The following MGLL variants were observed in gnomAD, a reference collection of about 807,000 sequenced individuals.
MGLL encodes monoglyceride lipase.
MGLL carries 7 observed loss-of-function variants against 29.1 expected under a neutral mutation model. That is an observed-to-expected ratio of 0.24 (90% confidence interval 0.14 to 0.45). The LOEUF is 0.45. Among genes scored for constraint, MGLL ranks in the 20% least tolerant of loss-of-function variants. MGLL has a pLI of 0.99. For synonymous variants in MGLL, 148 were observed against 168.3 expected (o/e 0.88, Z 0.93); for missense variants, 356 against 413.6 (o/e 0.86, Z 1.21).
intron 2 of MGLL, among the ~76,000 whole-genome samples, chr3:127,791,899 C>T (rs1239042813): frequency 5.3e-5 from 8 of 152,080 alleles, no homozygotes; most frequent in South Asian, 2.1e-4. Flanking sequence ...GGTGAAACCC[C>T]GTCTCTACTA....
chr3:127,742,889 A>G (rs2076370583), intron 3 of MGLL, among the ~76,000 whole-genome samples: 1 of 152,150 alleles, frequency 6.6e-6, no homozygotes, highest in Non-Finnish European at 1.5e-5. Context: ...ATCTCGGCTC[A>G]CTGCAACCTC....
chr3:127,754,501 G>C (rs1017729603), intron 3 of MGLL, among the ~76,000 whole-genome samples: 2 of 152,224 alleles, frequency 1.3e-5, no homozygotes, highest in Admixed American at 6.5e-5. Context: ...AACTGGATGA[G>C]TACTTGCAAC....
At chr3:127,792,958 C>T (rs2077325826) in intron 2 of MGLL, among the ~76,000 whole-genome samples, 1 of 152,216 alleles carries the variant, frequency 6.6e-6, no homozygotes, top group African/African-American at 2.4e-5. Context: ...GCAGGCACAT[C>T]TGGGCAGAAA....
intron 2 of MGLL, among the ~76,000 whole-genome samples, chr3:127,789,325 G>T (rs555576955): frequency 6.6e-6 from 1 of 152,184 alleles, no homozygotes; most frequent in Non-Finnish European, 1.5e-5. Context: ...ACCCATCTAC[G>T]GCTGGAAGGA....
intron 3 of MGLL, among the ~76,000 whole-genome samples, chr3:127,754,491 A>C (rs2076621850): frequency 6.6e-6 from 1 of 152,198 alleles, no homozygotes; most frequent in African/African-American, 2.4e-5. Flanking sequence ...CACCGGCGTT[A>C]ACTGGATGAG....
chr3:127,759,163 G>T (rs2076717188), intron 3 of MGLL, among the ~76,000 whole-genome samples: 2 of 152,148 alleles, frequency 1.3e-5, no homozygotes, highest in South Asian at 2.1e-4. Flanking sequence ...GACCTCAAGT[G>T]ATCAACCTGC....
intron 3 of MGLL, among the ~76,000 whole-genome samples, chr3:127,767,047 C>T (rs555862452): frequency 4.4e-4 from 67 of 151,528 alleles, no homozygotes; most frequent in African/African-American, 1.5e-3. Flanking sequence ...CACTCCAGCC[C>T]GAGTGATGGA....
chr3:127,747,804 T>C (rs762080779), intron 3 of MGLL, among the ~76,000 whole-genome samples: 2 of 152,164 alleles, frequency 1.3e-5, no homozygotes, highest in Non-Finnish European at 2.9e-5. Context: ...GAAACCGTGA[T>C]TGGAGCGGGC....
Position 127,821,617 on chromosome 3 carries a change from G to A in MGLL, c.155+77C>T, listed in dbSNP as rs192756349. ...AGAGAAAGCGGCCCCGCCCCAGATG[G>A]CACATGATAACGACCAGAGGAGAAG... On this transcript the variant is annotated intron_variant, in intron 2 of 7. Transcript: ENST00000265052. 3.2e-6 allele frequency: 5 copies of A among 1,554,490 alleles called. No individual in the cohort carries two copies. The East Asian group carries it at 9.0e-5, about 28-fold the overall frequency.
At chr3:127,750,633 G>GGC (rs111577013) in intron 3 of MGLL, among the ~76,000 whole-genome samples, 2 of 150,388 alleles carry the variant, frequency 1.3e-5, no homozygotes, top group Non-Finnish European at 3.0e-5. Flanking sequence ...AACGCACACT[G>GGC]ACACACACAC....
At chr3:127,818,280 G>C (rs1447876117) in intron 2 of MGLL, among the ~76,000 whole-genome samples, 1 of 152,134 alleles carries the variant, frequency 6.6e-6, no homozygotes, top group Non-Finnish European at 1.5e-5. Context: ...TTAAGTTCCA[G>C]CATGTTGAAT....
chr3:127,793,451 T>C (rs1313332425), intron 2 of MGLL, among the ~76,000 whole-genome samples: 1 of 152,250 alleles, frequency 6.6e-6, no homozygotes, highest in African/African-American at 2.4e-5. Flanking sequence ...AAGGGCTCTC[T>C]ATTCACAATC....
intron 3 of MGLL, among the ~76,000 whole-genome samples, chr3:127,760,820 CTG>C (rs1185035085): frequency 6.6e-6 from 1 of 152,252 alleles, no homozygotes; most frequent in East Asian, 1.9e-4. Context: ...CCCCTAATGA[CTG>C]TGAGCTTGAA....
intron 2 of MGLL, among the ~76,000 whole-genome samples, chr3:127,814,672 T>A (rs1029059426): frequency 6.6e-6 from 1 of 152,232 alleles, no homozygotes; most frequent in African/African-American, 2.4e-5. Context: ...AGAACATTCT[T>A]ACAGCAACTG....
intron 3 of MGLL, among the ~76,000 whole-genome samples, chr3:127,779,188 A>G (rs2077083887): frequency 6.6e-6 from 1 of 152,154 alleles, no homozygotes; most frequent in Non-Finnish European, 1.5e-5. Context: ...CAATATGGTG[A>G]AACCCCTGTC....
chr3:127,772,435 G>C (rs1021637011), intron 3 of MGLL, among the ~76,000 whole-genome samples: 1 of 152,242 alleles, frequency 6.6e-6, no homozygotes, highest in Non-Finnish European at 1.5e-5. Flanking sequence ...GCCAAGGTCT[G>C]TCTCTCTAAA....
Position 127,808,608 on chromosome 3 carries a change from A to C in MGLL, c.155+13086T>G, listed in dbSNP as rs1376812199. On this transcript the variant is annotated intron_variant, in intron 2 of 7. Transcript: ENST00000265052. ...CAACAGAAACACATGGGCTGAAAGT[A>C]GAGGAGAGATGCCTCTTAAATTTAA... is the stretch of plus-strand genomic sequence containing the variant. Among the ~76,000 whole-genome samples, 3 of 152,224 alleles carry C rather than the reference A, an allele frequency of 2.0e-5. No individual in the cohort carries two copies. In the East Asian group the frequency reaches 5.8e-4, roughly 29 times the overall value.
upstream of MGLL, chr3:127,822,573 CA>C: frequency 3.7e-6 from 2 of 541,160 alleles, no homozygotes; most frequent in Non-Finnish European, 6.5e-6. Flanking sequence ...ACTACTAGTT[CA>C]TGTCATCACT....
At chr3:127,821,668 G>C (rs1351885744) in intron 2 of MGLL, 26 bp downstream of exon 2, 2 of 1,612,944 alleles carry the variant, frequency 1.2e-6, no homozygotes, top group Admixed American at 3.3e-5. Flanking sequence ...CCTGTCACCT[G>C]GGGTGACTTT....
Sources: gnomAD v4.1 joint callset for allele counts (sites outside exome capture counted in the v4.1 genomes callset) on GRCh38, gnomAD v4.1.1 for gene constraint, MANE v1.5 for transcripts, NCBI Gene and HGNC (gene_info 2026-07-23, HGNC 2026-07-21) for gene names.